The following MACROD2 variants were observed in gnomAD, a reference collection of about 807,000 sequenced individuals.
MACROD2 encodes ADP-ribose glycohydrolase MACROD2.
Under a neutral mutation model 70.4 loss-of-function variants are expected in MACROD2, and 36 were observed. The ratio of observed to expected loss-of-function variants is 0.51; its 90% CI spans 0.39 to 0.68. MACROD2 has a LOEUF of 0.68. Among genes scored for constraint, MACROD2 ranks in the 30% least tolerant of loss-of-function variants. The probability of loss-of-function intolerance (pLI) is 0.00; values close to 1 mark genes in which losing one functional copy is unlikely to be tolerated. For synonymous variants in MACROD2, 172 were observed against 178.8 expected, an observed-to-expected ratio of 0.96 and a Z score of 0.30; for missense variants, 496 against 538.4, an observed-to-expected ratio of 0.92 and a Z score of 0.78.
intron 5 of MACROD2, among the ~76,000 whole-genome samples, chr20:14,898,384 T>C (rs1483027344): frequency 6.6e-6 from 1 of 152,186 alleles, no homozygotes; most frequent in Non-Finnish European, 1.5e-5. Flanking sequence ...TATATGTTTC[T>C]CTTTAACACA....
intron 3 of MACROD2, among the ~76,000 whole-genome samples, chr20:14,159,874 T>G (rs1322427972): frequency 6.6e-6 from 1 of 152,172 alleles, no homozygotes; most frequent in Non-Finnish European, 1.5e-5. Flanking sequence ...ATATATGGGC[T>G]TTATCATATT....
At chr20:14,917,061 C>A (rs1200132230) in intron 5 of MACROD2, among the ~76,000 whole-genome samples, 1 of 151,702 alleles carries the variant, frequency 6.6e-6, no homozygotes, top group Non-Finnish European at 1.5e-5. Flanking sequence ...ATGCCTGCCC[C>A]TTTTCTTCCT....
intron 5 of MACROD2, among the ~76,000 whole-genome samples, chr20:14,750,870 C>A (rs2071860899): frequency 6.6e-6 from 1 of 151,982 alleles, no homozygotes; most frequent in African/African-American, 2.4e-5. Context: ...AATAACTAAT[C>A]TGGTTGGTGA....
intron 6 of MACROD2, among the ~76,000 whole-genome samples, chr20:15,430,018 A>C (rs1433317361): frequency 6.6e-6 from 1 of 152,048 alleles, no homozygotes; most frequent in Non-Finnish European, 1.5e-5. Context: ...GAGAACATGC[A>C]GTATTTGTCT....
chr20:16,043,714 G>A (rs2067338427), intron 16 of MACROD2, among the ~76,000 whole-genome samples: 1 of 152,066 alleles, frequency 6.6e-6, no homozygotes, highest in Admixed American at 6.6e-5. Flanking sequence ...TGCCACTACA[G>A]CAGCCGTCGG....
At chr20:14,655,969 A>G (rs964430019) in intron 4 of MACROD2, among the ~76,000 whole-genome samples, 1 of 152,204 alleles carries the variant, frequency 6.6e-6, no homozygotes, top group African/African-American at 2.4e-5. Flanking sequence ...CTGGAAATAG[A>G]AATGAAGAAA....
intron 8 of MACROD2, among the ~76,000 whole-genome samples, chr20:15,710,583 TGTG>T (rs1444374829): frequency 6.6e-6 from 1 of 152,224 alleles, no homozygotes; most frequent in African/African-American, 2.4e-5. Flanking sequence ...CTCTAACAGA[TGTG>T]GGCATCAAGT....
At chr20:15,820,780 C>G (rs1329298375) in intron 8 of MACROD2, among the ~76,000 whole-genome samples, 1 of 152,174 alleles carries the variant, frequency 6.6e-6, no homozygotes, top group Non-Finnish European at 1.5e-5. Context: ...TTGTCTCTGT[C>G]ACTCCTTAAG....
intron 5 of MACROD2, among the ~76,000 whole-genome samples, chr20:14,694,774 C>T (rs2071102721): frequency 6.6e-6 from 1 of 152,202 alleles, no homozygotes; most frequent in African/African-American, 2.4e-5. Flanking sequence ...CCTCAAGACT[C>T]AGACATTTGC....
intron 5 of MACROD2, among the ~76,000 whole-genome samples, chr20:14,842,189 T>A (rs2073094793): frequency 6.6e-6 from 1 of 152,090 alleles, no homozygotes; most frequent in Admixed American, 6.5e-5. Flanking sequence ...AACTCCCTTC[T>A]TTTATAACTG....
intron 2 of MACROD2, chr20:14,051,972 T>G (rs1162277031): frequency 1.9e-6 from 1 of 513,598 alleles, no homozygotes; most frequent in Non-Finnish European, 3.9e-6. Context: ...TGGGAAAGAG[T>G]GCCTGAGGAT....
At chr20:14,982,705 A>G (rs1049026123) in intron 5 of MACROD2, among the ~76,000 whole-genome samples, 7 of 152,202 alleles carry the variant, frequency 4.6e-5, no homozygotes, top group African/African-American at 1.4e-4. Context: ...GGAACCTCCA[A>G]CTAGATTTCA....
chr20:14,174,116 G>A (rs899933279), intron 3 of MACROD2, among the ~76,000 whole-genome samples: 2 of 152,122 alleles, frequency 1.3e-5, no homozygotes. Context: ...TCAGGAGGTG[G>A]TGCTCTCAAG....
chr20:15,583,125 T>G (rs1259454891), intron 8 of MACROD2, among the ~76,000 whole-genome samples: 1 of 152,162 alleles, frequency 6.6e-6, no homozygotes, highest in African/African-American at 2.4e-5. Flanking sequence ...CATTTATCCT[T>G]TCCAAACCCA....
intron 5 of MACROD2, among the ~76,000 whole-genome samples, chr20:14,769,422 T>C (rs983550951): frequency 6.6e-6 from 1 of 152,148 alleles, no homozygotes; most frequent in Non-Finnish European, 1.5e-5. Context: ...TACTTGAAAG[T>C]GTTAAGACTT....
intron 3 of MACROD2, among the ~76,000 whole-genome samples, chr20:14,263,002 AG>A (rs2082113032): frequency 6.6e-6 from 1 of 152,190 alleles, no homozygotes; most frequent in Non-Finnish European, 1.5e-5. Context: ...TAGATTTTGA[AG>A]AAGAGGTCAG....
chr20:14,035,922 C>T (rs1372489893), intron 2 of MACROD2, among the ~76,000 whole-genome samples: 1 of 152,208 alleles, frequency 6.6e-6, no homozygotes, highest in African/African-American at 2.4e-5. Flanking sequence ...GCGGGCGGAT[C>T]ACGAGGTCAG....
intron 5 of MACROD2, among the ~76,000 whole-genome samples, chr20:14,987,719 C>A (rs1399811259): frequency 2.0e-5 from 3 of 152,090 alleles, no homozygotes; most frequent in Non-Finnish European, 4.4e-5. Context: ...TTTCTAGTTT[C>A]AACAGCTTGT....
intron 4 of MACROD2, among the ~76,000 whole-genome samples, chr20:14,555,044 T>C (rs916209130): frequency 2.6e-5 from 4 of 151,988 alleles, no homozygotes; most frequent in African/African-American, 9.7e-5. Flanking sequence ...GACATACTGT[T>C]TGATAGTACA....
Sources: allele counts gnomAD v4.1 joint callset (sites outside exome capture counted in the v4.1 genomes callset), GRCh38; gene constraint gnomAD v4.1.1; transcripts MANE v1.5; gene names NCBI Gene and HGNC (gene_info 2026-07-23, HGNC 2026-07-21).